ACOXL: variants seen among roughly 807,000 people sequenced by gnomAD.
The protein encoded by ACOXL is acyl-coenzyme A oxidase-like protein.
In ACOXL, 70 loss-of-function variants were observed where a neutral mutation model predicts 71.9. The observed-to-expected ratio is 0.97, with a 90% CI of 0.80 to 1.19. The LOEUF is 1.19. ACOXL is among the 50% of genes most tolerant of loss of function. The pLI is 0.00. For synonymous variants in ACOXL, 253 were observed against 281.6 expected, an observed-to-expected ratio of 0.90 and a Z score of 1.02; for missense variants, 703 against 736.3, an observed-to-expected ratio of 0.95 and a Z score of 0.52.
At chr2:110,967,833 G>C in intron 12 of ACOXL, 1 of 1,151,164 alleles carries the variant, frequency 8.7e-7, no homozygotes, top group Non-Finnish European at 1.3e-6. Flanking sequence ...TGTTTTGCAG[G>C]ATGGGGTTTG....
chr2:111,002,343 CA>C (rs1168314425), intron 14 of ACOXL, among the ~76,000 whole-genome samples: 1 of 152,002 alleles, frequency 6.6e-6, no homozygotes, highest in African/African-American at 2.4e-5. Context: ...AACAAACAAA[CA>C]AAAAACTGTT....
chr2:110,842,095 G>A (rs772551272), intron 10 of ACOXL, among the ~76,000 whole-genome samples: 3 of 152,172 alleles, frequency 2.0e-5, no homozygotes, highest in Non-Finnish European at 2.9e-5. Context: ...TGTCTGCTCA[G>A]CTGCCCACAG....
chr2:110,771,780 G>A (rs539623663), intron 2 of ACOXL, among the ~76,000 whole-genome samples: 59 of 152,322 alleles, frequency 3.9e-4, no homozygotes, highest in African/African-American at 1.3e-3. Flanking sequence ...CCTCAGCCAA[G>A]AGCTCTCTTG....
intron 9 of ACOXL, among the ~76,000 whole-genome samples, chr2:110,808,210 C>G (rs1296281415): frequency 6.6e-6 from 1 of 152,142 alleles, no homozygotes; most frequent in Non-Finnish European, 1.5e-5. Context: ...AGCTGGGCAC[C>G]TGAAAGAGTG....
intron 11 of ACOXL, among the ~76,000 whole-genome samples, chr2:110,927,820 T>C (rs1349578515): frequency 1.3e-5 from 2 of 152,248 alleles, no homozygotes. Context: ...GTGGGATTGC[T>C]TGGAGCTTTG....
chr2:111,020,366 TG>T (rs1353194267), intron 14 of ACOXL, among the ~76,000 whole-genome samples: 1 of 152,124 alleles, frequency 6.6e-6, no homozygotes, highest in African/African-American at 2.4e-5. Context: ...GCCGGCTTGG[TG>T]GGAGCTCCCA....
intron 12 of ACOXL, among the ~76,000 whole-genome samples, chr2:110,960,169 A>G (rs1289797060): frequency 5.3e-5 from 8 of 152,182 alleles, no homozygotes; most frequent in Non-Finnish European, 1.0e-4. Flanking sequence ...GGCAGTGGGA[A>G]CAGGATTGCA....
chr2:111,070,251 A>G (rs946828702), intron 16 of ACOXL, among the ~76,000 whole-genome samples: 9 of 152,206 alleles, frequency 5.9e-5, no homozygotes, highest in Non-Finnish European at 1.3e-4. Context: ...GAATCAACCA[A>G]CGTAGATGCC....
intron 12 of ACOXL, among the ~76,000 whole-genome samples, chr2:110,944,089 G>T (rs1165398340): frequency 6.6e-6 from 1 of 151,880 alleles, no homozygotes; most frequent in Non-Finnish European, 1.5e-5. Flanking sequence ...AGACAGTCTT[G>T]CTCTGTTGCC....
intron 1 of ACOXL, among the ~76,000 whole-genome samples, chr2:110,756,479 G>A (rs1308106066): frequency 1.3e-5 from 2 of 152,130 alleles, no homozygotes; most frequent in African/African-American, 2.4e-5. Context: ...TCCTTTGGGC[G>A]ATGTGTGTAT....
intron 11 of ACOXL, among the ~76,000 whole-genome samples, chr2:110,916,588 C>T (rs765129940): frequency 1.3e-4 from 19 of 151,882 alleles, no homozygotes; most frequent in Non-Finnish European, 2.1e-4. Flanking sequence ...GATACAGACA[C>T]GAAAAGCCTT....
intron 1 of ACOXL, among the ~76,000 whole-genome samples, chr2:110,747,462 G>A (rs1364311432): frequency 6.6e-6 from 1 of 152,172 alleles, no homozygotes; most frequent in East Asian, 1.9e-4. Flanking sequence ...TAACAGCTGG[G>A]GCTGCACACC....
chr2:110,887,108 G>C, intron 10 of ACOXL: 1 of 416,484 alleles, frequency 2.4e-6, no homozygotes, highest in Non-Finnish European at 4.3e-6. Context: ...GGACGATCTG[G>C]GGTGGAAAAA....
intron 1 of ACOXL, among the ~76,000 whole-genome samples, chr2:110,743,742 G>A (rs1264141735): frequency 2.0e-5 from 3 of 152,128 alleles, no homozygotes; most frequent in African/African-American, 7.2e-5. Context: ...ATTTTTCCTA[G>A]CCCTTAGAAC....
chr2:110,924,146 A>G (rs2060183679), intron 11 of ACOXL, among the ~76,000 whole-genome samples: 1 of 152,222 alleles, frequency 6.6e-6, no homozygotes, highest in African/African-American at 2.4e-5. Context: ...AAATATACAT[A>G]CGTCTGTTAA....
intron 1 of ACOXL, among the ~76,000 whole-genome samples, chr2:110,764,640 CTG>C (rs755273830): frequency 6.6e-6 from 1 of 152,100 alleles, no homozygotes; most frequent in Non-Finnish European, 1.5e-5. Flanking sequence ...CTAATGTAAA[CTG>C]TGAATTTGGG....
intron 13 of ACOXL, 96 bp downstream of exon 13, chr2:110,987,313 T>G: frequency 8.7e-7 from 1 of 1,145,266 alleles, no homozygotes; most frequent in Non-Finnish European, 1.3e-6. Flanking sequence ...TGCTTGAAAT[T>G]TTTAGTGTTT....
chr2:110,959,191 C>G (rs1449635552), intron 12 of ACOXL, among the ~76,000 whole-genome samples: 1 of 152,206 alleles, frequency 6.6e-6, no homozygotes, highest in Non-Finnish European at 1.5e-5. Context: ...TGGCAGGGCC[C>G]TCCATGTGGC....
intron 17 of ACOXL, 49 bp downstream of exon 17, chr2:111,093,015 T>C: frequency 4.1e-6 from 6 of 1,472,398 alleles, no homozygotes; most frequent in Non-Finnish European, 5.6e-6. Flanking sequence ...AGCCCTGGTC[T>C]CCTTGCTTTC....
Sources: allele counts gnomAD v4.1 joint callset (sites outside exome capture counted in the v4.1 genomes callset), GRCh38; gene constraint gnomAD v4.1.1; transcripts MANE v1.5; gene names NCBI Gene and HGNC (gene_info 2026-07-23, HGNC 2026-07-21).